The following NRXN3 variants were observed in gnomAD, a reference collection of about 807,000 sequenced individuals.
The protein encoded by NRXN3 is neurexin 3.
In NRXN3, 32 loss-of-function variants were observed where a neutral mutation model predicts 137.6. That is an observed-to-expected ratio of 0.23 (90% CI 0.18 to 0.31). The LOEUF is 0.31. Among genes scored for constraint, NRXN3 ranks in the 10% least tolerant of loss-of-function variants. The pLI is 1.00. For synonymous variants in NRXN3, 798 were observed against 784.5 expected (o/e 1.02, Z -0.29); for missense variants, 1,574 against 2,062.5 (o/e 0.76, Z 4.59).
rs192301453 is a variant in NRXN3, at chr14:79,307,955, G to A, written c.3263-159266G>A. On this transcript the variant is annotated intron_variant, in intron 15 of 20. Transcript: ENST00000335750. ...AAAAGTCCGAGATCAAGGTGTCATG[G>A]AGCATTGTTTTCTCTGAGGCCTCTG... is the stretch of plus-strand genomic sequence containing the variant. Among the ~76,000 whole-genome samples, 12 of 152,158 alleles carry A rather than the reference G, an allele frequency of 7.9e-5. No individual in the cohort carries two copies. In the East Asian group the frequency reaches 2.3e-3, roughly 29 times the overall value.
rs76030234 is a variant in NRXN3, at chr14:78,977,660, A to G, written c.3142+9314A>G. Reference sequence around the variant, plus strand: ...TACAAATACCCTACCTGCAGCAAGTATCAACTCCCACCTCTCTACTGTCAT... The same window carrying G: ...TACAAATACCCTACCTGCAGCAAGTGTCAACTCCCACCTCTCTACTGTCAT... On this transcript the variant is annotated intron_variant, in intron 14 of 20. Coordinates refer to ENST00000335750, the MANE Select transcript of NRXN3 (RefSeq NM_001330195.2). 6.6e-3 allele frequency among the ~76,000 whole-genome samples: 1,008 copies of G among 152,264 alleles called. 15 individuals are homozygous for G. Among genetic ancestry groups the G allele is most frequent in the African/African-American group, 0.023 (972 of 41,550 alleles).
chr14:79,585,694 CA>C (rs76676582), intron 16 of NRXN3, among the ~76,000 whole-genome samples: 41 of 114,354 alleles, frequency 3.6e-4, no homozygotes, highest in Admixed American at 4.8e-4. Flanking sequence ...AAAAAAAAAA[CA>C]AAAAAAAAAA....
chr14:79,364,168 C>T (rs570138486), intron 15 of NRXN3, among the ~76,000 whole-genome samples: 2 of 152,248 alleles, frequency 1.3e-5, no homozygotes, highest in Non-Finnish European at 2.9e-5. Context: ...CATTTCTCCC[C>T]AGTTCTTCTT....
At chr14:78,441,921 C>G (rs928363026) in intron 4 of NRXN3, among the ~76,000 whole-genome samples, 15 of 151,846 alleles carry the variant, frequency 9.9e-5, no homozygotes, top group Admixed American at 5.2e-4. Flanking sequence ...ATGGTGAAAC[C>G]CTGTCTCTAC....
At chr14:78,486,943 C>A (rs72681577) in intron 4 of NRXN3, among the ~76,000 whole-genome samples, 19 of 152,208 alleles carry the variant, frequency 1.2e-4, no homozygotes, top group Non-Finnish European at 2.4e-4. Context: ...GATTACACAG[C>A]AAAGGGGCTT....
At chr14:79,720,655 C>T (rs1380113232) in intron 19 of NRXN3, among the ~76,000 whole-genome samples, 1 of 152,068 alleles carries the variant, frequency 6.6e-6, no homozygotes, top group Admixed American at 6.6e-5. Flanking sequence ...TTCCCTACCA[C>T]TGAGATACTT....
chr14:78,290,630 C>A (rs979677160), intron 3 of NRXN3, among the ~76,000 whole-genome samples: 1 of 152,008 alleles, frequency 6.6e-6, no homozygotes, highest in Admixed American at 6.6e-5. Context: ...CAGAGTGAGA[C>A]CTTGTCTCAA....
intron 20 of NRXN3, among the ~76,000 whole-genome samples, chr14:79,828,479 G>C (rs764320604): frequency 6.6e-6 from 1 of 151,850 alleles, no homozygotes; most frequent in Non-Finnish European, 1.5e-5. Context: ...AATTAGCCAG[G>C]CATGGTGGCA....
chr14:79,401,134 G>C (rs965363831), intron 15 of NRXN3, among the ~76,000 whole-genome samples: 12 of 152,096 alleles, frequency 7.9e-5, no homozygotes, highest in African/African-American at 2.9e-4. Context: ...GATTATTACA[G>C]GCCAAATTTT....
intron 4 of NRXN3, among the ~76,000 whole-genome samples, chr14:78,415,408 A>G (rs1417229925): frequency 1.3e-5 from 2 of 152,204 alleles, no homozygotes; most frequent in Non-Finnish European, 2.9e-5. Flanking sequence ...ACAATTTGTT[A>G]TTTCCCATGA....
intron 4 of NRXN3, among the ~76,000 whole-genome samples, chr14:78,523,524 G>A (rs1384965378): frequency 6.6e-6 from 1 of 151,708 alleles, no homozygotes. Context: ...TGTAGGCCGG[G>A]TGCGGTGGCT....
At chr14:78,479,482 G>A (rs1451903508) in intron 4 of NRXN3, among the ~76,000 whole-genome samples, 2 of 152,148 alleles carry the variant, frequency 1.3e-5, no homozygotes, top group Non-Finnish European at 1.5e-5. Context: ...TTTAAGAAAC[G>A]TTGATTTAAA....
chr14:78,215,752 C>T (rs970665137), intron 1 of NRXN3, among the ~76,000 whole-genome samples: 7 of 92,218 alleles, frequency 7.6e-5, no homozygotes, highest in African/African-American at 3.4e-4. Context: ...GGGGGGGTTT[C>T]GTTTGTGCTG....
At chr14:79,208,000 T>C (rs913872800) in intron 15 of NRXN3, among the ~76,000 whole-genome samples, 1 of 152,164 alleles carries the variant, frequency 6.6e-6, no homozygotes, top group South Asian at 2.1e-4. Flanking sequence ...ATGAGGAAAC[T>C]AAGAAGTTAA....
chr14:79,423,530 AGTT>A (rs1487486901), intron 15 of NRXN3, among the ~76,000 whole-genome samples: 45 of 152,332 alleles, frequency 3.0e-4, no homozygotes, highest in Admixed American at 2.8e-3. Context: ...AGAATGGTTA[AGTT>A]ACTGGTTGGA....
intron 4 of NRXN3, among the ~76,000 whole-genome samples, chr14:78,337,173 A>AT (rs1448180724): frequency 2.6e-5 from 4 of 152,174 alleles, no homozygotes. Flanking sequence ...GGCAGCAGGC[A>AT]TGCCTTCACA....
chr14:78,460,960 A>C (rs1400443633), intron 4 of NRXN3, among the ~76,000 whole-genome samples: 2 of 152,188 alleles, frequency 1.3e-5, no homozygotes, highest in African/African-American at 4.8e-5. Context: ...AACTGAAGAT[A>C]AGCACCTCTG....
At chr14:79,689,793 A>G (rs1348449923) in intron 17 of NRXN3, among the ~76,000 whole-genome samples, 1 of 152,028 alleles carries the variant, frequency 6.6e-6, no homozygotes, top group Non-Finnish European at 1.5e-5. Context: ...AGAGTAGATG[A>G]TGAGGGTGGG....
At chr14:78,817,082 T>G (rs1042024351) in intron 10 of NRXN3, among the ~76,000 whole-genome samples, 2 of 152,188 alleles carry the variant, frequency 1.3e-5, no homozygotes, top group Non-Finnish European at 2.9e-5. Context: ...TTTGTGTAAT[T>G]TATCTCCTAC....
Sources: allele counts gnomAD v4.1 joint callset (sites outside exome capture counted in the v4.1 genomes callset), GRCh38; gene constraint gnomAD v4.1.1; transcripts MANE v1.5; gene names NCBI Gene and HGNC (gene_info 2026-07-23, HGNC 2026-07-21).